The following MRPS17 variants were observed in gnomAD, a reference collection of about 807,000 sequenced individuals.
The protein encoded by MRPS17 is small ribosomal subunit protein uS17m.
MRPS17 carries 6 observed loss-of-function variants against 11.3 expected under a neutral mutation model. The ratio of observed to expected loss-of-function variants is 0.53; its 90% CI spans 0.29 to 1.05. The LOEUF is 1.05. Among genes scored for constraint, MRPS17 ranks in the 50% least tolerant of loss-of-function variants. The pLI, the probability that MRPS17 is intolerant of heterozygous loss-of-function variation, is 0.08. For missense variants in MRPS17, 139 were observed against 153.6 expected (o/e 0.90, Z 0.50); for synonymous variants, 56 against 60.4 (o/e 0.93, Z 0.34).
intron 2 of MRPS17, among the ~76,000 whole-genome samples, chr7:55,954,080 C>G (rs187005302): frequency 8.5e-4 from 130 of 152,180 alleles, no homozygotes; most frequent in Non-Finnish European, 1.7e-3. Flanking sequence ...GGCAAAGAGG[C>G]TGCTGCAAAA....
In MRPS17 at chr7:55,955,405, G is replaced by T. The variant is rs1326955969; in HGVS notation, c.*227G>T. The T allele has an allele frequency of 3.7e-6, 2 of 535,692 alleles. No individual in the cohort carries two copies. The highest frequency in any genetic ancestry group is 6.9e-5 in the East Asian group (2 of 29,080). 33.2% of individuals were successfully genotyped at this position (535,692 alleles called of 1,614,324 possible). A position where few individuals can be genotyped will look rare whatever the true frequency, so the allele number is the denominator to read the frequency against. On this transcript the variant is annotated 3_prime_UTR_variant, in exon 3 of 3. Transcript: ENST00000285298. ...AACATACTTCCACGTTACATTAAGT[G>T]TGCCTAGCAGTCTGTTGCATTTTGT...
Position 55,954,917 on chromosome 7 carries a change from T to C in MRPS17, c.132T>C (p.Asn44=). ...VLDPYLLKYF[N]KRKTYFAHDA... ...TCTCCCTCTCTCAACAGTATTTTAATAAGCGGAAAACCTACTTTGCTCACG... is the reference window on the plus strand; with the variant it reads ...TCTCCCTCTCTCAACAGTATTTTAACAAGCGGAAAACCTACTTTGCTCACG... Residue 44 remains asparagine, a synonymous_variant, in exon 3 of 3, where the codon AAT becomes AAC. Coordinates refer to ENST00000285298, the MANE Select transcript of MRPS17 (RefSeq NM_015969.3). 1.2e-6 allele frequency: 2 copies of C among 1,613,258 alleles called. No homozygotes were observed. Among genetic ancestry groups the C allele is most frequent in the Non-Finnish European group, 1.7e-6 (2 of 1,179,294 alleles).
Position 55,953,165 on chromosome 7 carries a change from A to T in MRPS17, c.-17-14A>T, listed in dbSNP as rs759653012. On this transcript the variant is annotated splice_polypyrimidine_tract_variant and intron_variant, in intron 1 of 2. Transcript: ENST00000285298. ...TAACCACCAGAATATGAGACTTTGG[A>T]ATTTGCTTTTCAGGTGACCAAAGCC... 1.6e-4 allele frequency: 256 copies of T among 1,613,620 alleles called. 1 individual carries two copies. In the Admixed American group the frequency reaches 4.2e-3, roughly 27 times the overall value.
Position 55,955,218 on chromosome 7 carries a change from T to G in MRPS17, c.*40T>G. 2.5e-6 allele frequency: 4 copies of G among 1,573,370 alleles called. No homozygotes were observed. Among genetic ancestry groups the G allele is most frequent in the Non-Finnish European group, 3.4e-6 (4 of 1,160,182 alleles). ...AAGGATCTAAAGGGAAAAACTGACA[T>G]GTTTATGTTATGGAAAAAGAAATTT... On this transcript the variant is annotated 3_prime_UTR_variant, in exon 3 of 3. Coordinates refer to ENST00000285298, the MANE Select transcript of MRPS17 (RefSeq NM_015969.3).
rs1184269818 is a variant in MRPS17, at chr7:55,955,342, G to T, written c.*164G>T. 1 of 849,492 alleles carries T rather than the reference G, an allele frequency of 1.2e-6. No homozygotes were observed. Among genetic ancestry groups the T allele is most frequent in the Non-Finnish European group, 1.8e-6 (1 of 556,894 alleles). 52.6% of individuals were successfully genotyped at this position (849,492 alleles called of 1,614,324 possible). On this transcript the variant is annotated 3_prime_UTR_variant, in exon 3 of 3. Transcript: ENST00000285298. ...AGGGCATACTATGGTTTTTCACAAA[G>T]GTTTATGGTCGTGTTTCAAATTTTC...
At position 55,953,201 on chromosome 7, in the gene MRPS17, C is replaced by T. The variant is rs1490985666; in HGVS notation, c.6C>T (p.Ser2=). ...CAGGTGACCAAAGCCACGTAATGTCCGTAGTTCGCTCATCCGTCCATGCCA... is the reference window on the plus strand; with the variant it reads ...CAGGTGACCAAAGCCACGTAATGTCTGTAGTTCGCTCATCCGTCCATGCCA... The part of the protein sequence containing the change: M[S]VVRSSVHARW... The change falls in exon 2 of 3, where the codon TCC becomes TCT. Residue 2 remains serine, a synonymous_variant. Transcript: ENST00000285298. 5.0e-6 allele frequency: 8 copies of T among 1,613,976 alleles called. No homozygotes were observed. Among genetic ancestry groups the T allele is most frequent in the Admixed American group, 1.7e-5 (1 of 59,956 alleles).
At chr7:55,953,069 G>A in intron 1 of MRPS17, 110 bp from the exon 2 acceptor site, 1 of 1,180,194 alleles carries the variant, frequency 8.5e-7, no homozygotes, top group Middle Eastern at 2.0e-4. Flanking sequence ...GGTGGAGGGG[G>A]GAACGAAAAA....
chr7:55,955,963 C>T lies in MRPS17; in HGVS notation c.*785C>T, dbSNP rs1437745105. The T allele has an allele frequency of 6.6e-6, 1 of 151,708 alleles. No homozygotes were observed. Among genetic ancestry groups the T allele is most frequent in the African/African-American group, 2.4e-5 (1 of 41,246 alleles). 9.4% of individuals were successfully genotyped at this position (151,708 alleles called of 1,614,324 possible). On this transcript the variant is annotated 3_prime_UTR_variant, in exon 3 of 3. Coordinates refer to ENST00000285298, the MANE Select transcript of MRPS17 (RefSeq NM_015969.3). The stretch of plus-strand genomic sequence containing the variant: ...TAAATTTTGTAGAGACAGGGTCTCC[C>T]TGTGTTGCCCAGGTTGGTCTCGGAC...
At chr7:55,953,659 T>A (rs1313636270) in intron 2 of MRPS17, among the ~76,000 whole-genome samples, 1 of 152,086 alleles carries the variant, frequency 6.6e-6, no homozygotes, top group Non-Finnish European at 1.5e-5. Flanking sequence ...CCGTCTCTAC[T>A]AAAAATACAA....
At position 55,955,159 on chromosome 7, in the gene MRPS17, A is replaced by AT; in HGVS notation, c.375dup (p.Ile126TyrfsTer30). ...CTAAGCAAAAATCTGGAAGAACTCA[A>AT]TATCTCTTCAGCACAGTGAAGCGGG... is the stretch of plus-strand genomic sequence containing the variant. On this transcript the variant is annotated frameshift_variant, in exon 3 of 3. Coordinates refer to ENST00000285298, the MANE Select transcript of MRPS17 (RefSeq NM_015969.3). LOFTEE classifies it high-confidence loss of function. 1.2e-6 allele frequency: 2 copies of AT among 1,614,238 alleles called. No individual in the cohort carries two copies. The highest frequency in any genetic ancestry group is 1.7e-6 in the Non-Finnish European group (2 of 1,180,038).
intron 1 of MRPS17, 67 bp from the exon 2 acceptor site, chr7:55,953,112 T>C (rs1436545103): frequency 6.4e-6 from 10 of 1,571,650 alleles, no homozygotes; most frequent in Non-Finnish European, 8.7e-6. Context: ...ACCTGGACAG[T>C]TCTTGTGACA....
chr7:55,954,700 T>C (rs1786701462), intron 2 of MRPS17, among the ~76,000 whole-genome samples: 1 of 152,204 alleles, frequency 6.6e-6, no homozygotes, highest in African/African-American at 2.4e-5. Flanking sequence ...GCCATTGCAC[T>C]CCAGCCTGGG....
intron 1 of MRPS17, among the ~76,000 whole-genome samples, chr7:55,952,813 C>T (rs1017351744): frequency 2.6e-5 from 4 of 151,578 alleles, no homozygotes; most frequent in Admixed American, 2.0e-4. Flanking sequence ...GGGCGGATCA[C>T]GAGGTCAGGA....
Position 55,953,142 on chromosome 7 carries a change from A to C in MRPS17, c.-17-37A>C, listed in dbSNP as rs139509560. On this transcript the variant is annotated intron_variant, in intron 1 of 2. Coordinates refer to ENST00000285298, the MANE Select transcript of MRPS17 (RefSeq NM_015969.3). Reference sequence around the variant, plus strand: ...GTGACAAAATTCATGTGGCATCATAACCACCAGAATATGAGACTTTGGAAT... The same window carrying C: ...GTGACAAAATTCATGTGGCATCATACCCACCAGAATATGAGACTTTGGAAT... 359 of 1,607,828 alleles carry C rather than the reference A, an allele frequency of 2.2e-4. No individual in the cohort carries two copies. In the African/African-American group the frequency reaches 4.2e-3, roughly 19 times the overall value.
At chr7:55,953,033 A>AG (rs1584329463) in intron 1 of MRPS17, 146 bp from the exon 2 acceptor site, 1 of 985,450 alleles carries the variant, frequency 1.0e-6, no homozygotes. Flanking sequence ...CTACATCTAA[A>AG]AAAAAACAAA....
At chr7:55,954,737 G>C (rs889623151) in intron 2 of MRPS17, among the ~76,000 whole-genome samples, 172 bp from the exon 3 acceptor site, 1 of 152,010 alleles carries the variant, frequency 6.6e-6, no homozygotes, top group African/African-American at 2.4e-5. Flanking sequence ...CATCTCACTG[G>C]ATTGTCTCAC....
chr7:55,953,128 C>A, intron 1 of MRPS17, 51 bp from the exon 2 acceptor site: 1 of 1,597,628 alleles, frequency 6.3e-7, no homozygotes, highest in South Asian at 1.1e-5. Context: ...TGACAAAATT[C>A]ATGTGGCATC....
chr7:55,955,935 T>C lies in MRPS17; in HGVS notation c.*757T>C, dbSNP rs190410803. On this transcript the variant is annotated 3_prime_UTR_variant, in exon 3 of 3. Transcript: ENST00000285298. ...CGTACCACTACACTTGGCTGATTTT[T>C]TGTAAATTTTGTAGAGACAGGGTCT... 2.4e-3 allele frequency: 367 copies of C among 152,026 alleles called. No individual in the cohort carries two copies. Among genetic ancestry groups the C allele is most frequent in the Non-Finnish European group, 4.1e-3 (276 of 68,044 alleles). The allele number at this position is 152,026 out of a possible 1,614,324, so 9.4% of individuals were successfully genotyped here.
rs1786710855 is a variant in MRPS17 at position 55,955,248 on chromosome 7, A to G, written c.*70A>G. On this transcript the variant is annotated 3_prime_UTR_variant, in exon 3 of 3. Coordinates refer to ENST00000285298, the MANE Select transcript of MRPS17 (RefSeq NM_015969.3). ...ATGTTATGGAAAAAGAAATTTTTCT[A>G]AGTTTCATCACAAACTGTGTCCAGT... 6.6e-6 allele frequency: 10 copies of G among 1,525,122 alleles called. No homozygotes were observed. The highest frequency in any genetic ancestry group is 8.8e-6 in the Non-Finnish European group (10 of 1,132,596). The allele number at this position is 1,525,122 out of a possible 1,614,324, so 94.5% of individuals were successfully genotyped here. A position where few individuals can be genotyped will look rare whatever the true frequency, so the allele number is the denominator to read the frequency against.
Sources: gnomAD v4.1 joint callset for allele counts (sites outside exome capture counted in the v4.1 genomes callset) on GRCh38, gnomAD v4.1.1 for gene constraint, MANE v1.5 for transcripts, NCBI Gene and HGNC (gene_info 2026-07-23, HGNC 2026-07-21) for gene names.